SNTG1: variants seen among roughly 807,000 people sequenced by gnomAD.
SNTG1 encodes the protein syntrophin gamma 1.
In SNTG1, 39 loss-of-function variants were observed where a neutral mutation model predicts 74.7. That is an observed-to-expected ratio of 0.52 (90% CI 0.40 to 0.68). SNTG1 has a LOEUF of 0.68. Ranked by LOEUF, SNTG1 falls within the 30% of genes least tolerant of loss-of-function variation. The pLI is 0.00. For synonymous variants in SNTG1, 254 were observed against 217.1 expected (o/e 1.17, Z -1.49); for missense variants, 685 against 609.5 (o/e 1.12, Z -1.30).
At chr8:50,755,740 T>C (rs1484144734) in intron 18 of SNTG1, among the ~76,000 whole-genome samples, 2 of 151,894 alleles carry the variant, frequency 1.3e-5, no homozygotes, top group Non-Finnish European at 2.9e-5. Flanking sequence ...GAAAGTTGCT[T>C]TTGCTCCACA....
rs1437734918 is a variant in SNTG1, at chr8:50,441,064, G to A, written c.219+2465G>A. Reference sequence around the variant, plus strand: ...TTCCTGTCACAGTCACCACTGTGCAGCATGGTAATTCCTCACATCTCCCCA... The same window carrying A: ...TTCCTGTCACAGTCACCACTGTGCAACATGGTAATTCCTCACATCTCCCCA... On this transcript the variant is annotated intron_variant, in intron 5 of 18. Transcript: ENST00000642720. Among the ~76,000 whole-genome samples, 5 of 152,138 alleles carry A rather than the reference G, an allele frequency of 3.3e-5. No homozygotes were observed. The South Asian group carries it at 8.3e-4, about 25-fold the overall frequency.
At chr8:50,395,305 T>C (rs920504099) in intron 3 of SNTG1, among the ~76,000 whole-genome samples, 3 of 152,160 alleles carry the variant, frequency 2.0e-5, no homozygotes, top group Non-Finnish European at 4.4e-5. Context: ...ATTTTAAACA[T>C]ATCTCTATGC....
chr8:50,486,705 G>C (rs2093798101), intron 8 of SNTG1, among the ~76,000 whole-genome samples: 2 of 150,618 alleles, frequency 1.3e-5, no homozygotes, highest in Admixed American at 1.3e-4. Context: ...GGAGTGGTGA[G>C]AGAGGGCATC....
chr8:50,724,039 C>A (rs542136522), intron 17 of SNTG1, among the ~76,000 whole-genome samples: 62 of 151,832 alleles, frequency 4.1e-4, no homozygotes, highest in Middle Eastern at 3.4e-3. Flanking sequence ...GAAGAGGGAG[C>A]GAGAGAATAA....
At chr8:50,550,693 G>GTGTGTGTGTGTATATATA (rs1554571332) in intron 11 of SNTG1, among the ~76,000 whole-genome samples, 11 of 149,098 alleles carry the variant, frequency 7.4e-5, no homozygotes, top group African/African-American at 2.7e-4. Flanking sequence ...TAGTGTGTGT[G>GTGTGTGTGTGTATATATA]TATATATATA....
chr8:50,148,570 GCCCCAGTGTGTGAT>G (rs1563659740), intron 1 of SNTG1, among the ~76,000 whole-genome samples: 2 of 151,886 alleles, frequency 1.3e-5, no homozygotes, highest in African/African-American at 2.4e-5. Flanking sequence ...CCCAGAACAG[GCCCCAGTGTGTGAT>G]GTTCCCCTTC....
chr8:50,781,062 T>C (rs1182763152), intron 18 of SNTG1, among the ~76,000 whole-genome samples: 1 of 152,236 alleles, frequency 6.6e-6, no homozygotes, highest in Non-Finnish European at 1.5e-5. Flanking sequence ...CACTGTGGTC[T>C]GAGAGACAGT....
At chr8:50,427,467 T>TG (rs2093177821) in intron 4 of SNTG1, among the ~76,000 whole-genome samples, 2 of 152,190 alleles carry the variant, frequency 1.3e-5, no homozygotes, top group South Asian at 4.1e-4. Flanking sequence ...TCTCCCTCTG[T>TG]TACCAAGCTT....
chr8:50,447,438 TA>T (rs773769655), intron 5 of SNTG1, among the ~76,000 whole-genome samples: 11 of 152,240 alleles, frequency 7.2e-5, no homozygotes, highest in Non-Finnish European at 1.6e-4. Flanking sequence ...TAATTCTACC[TA>T]AAAGTTCATC....
chr8:50,654,277 T>C (rs2095167070), intron 13 of SNTG1, among the ~76,000 whole-genome samples: 1 of 152,162 alleles, frequency 6.6e-6, no homozygotes, highest in Admixed American at 6.6e-5. Context: ...TTTTCCAAAC[T>C]TTTGTCTCTC....
rs535259238 is a variant in SNTG1, at chr8:50,430,187, T to C, written c.163-8356T>C. Among the ~76,000 whole-genome samples, 157 of 152,318 alleles carry C rather than the reference T, an allele frequency of 1.0e-3. 2 individuals are homozygous for C. The highest frequency in any genetic ancestry group is 9.3e-3 in the South Asian group (45 of 4,828). ...TGTGGTGAATGCACAACTGTGACTA[T>C]GCTAAAAGTCATTGAATTGCACGCT... On this transcript the variant is annotated intron_variant, in intron 4 of 18. Transcript: ENST00000642720.
intron 10 of SNTG1, among the ~76,000 whole-genome samples, chr8:50,533,075 G>A (rs1027190795): frequency 3.3e-5 from 5 of 152,184 alleles, no homozygotes; most frequent in African/African-American, 7.2e-5. Context: ...AAAGATGCGC[G>A]ACATCACTAA....
intron 18 of SNTG1, among the ~76,000 whole-genome samples, chr8:50,776,589 C>A (rs1459619714): frequency 6.7e-6 from 1 of 149,862 alleles, no homozygotes. Context: ...AAGAACCAAA[C>A]CAGACAATAT....
chr8:50,504,644 A>C (rs928593880), intron 9 of SNTG1, among the ~76,000 whole-genome samples: 2 of 151,684 alleles, frequency 1.3e-5, no homozygotes, highest in African/African-American at 4.8e-5. Flanking sequence ...ATACAAAAAA[A>C]CCCCAAAATA....
chr8:50,188,176 C>G (rs191196838), intron 2 of SNTG1, among the ~76,000 whole-genome samples: 2 of 152,248 alleles, frequency 1.3e-5, no homozygotes, highest in Non-Finnish European at 2.9e-5. Flanking sequence ...CATTCAGTGA[C>G]CATTCAGTGA....
chr8:50,107,992 A>G (rs188165739), intron 1 of SNTG1, among the ~76,000 whole-genome samples: 72 of 152,252 alleles, frequency 4.7e-4, no homozygotes, highest in African/African-American at 1.6e-3. Context: ...CATTTCCCCA[A>G]GCTATATTTT....
intron 1 of SNTG1, among the ~76,000 whole-genome samples, chr8:50,068,492 G>A (rs1478199581): frequency 6.6e-6 from 1 of 152,114 alleles, no homozygotes; most frequent in Non-Finnish European, 1.5e-5. Flanking sequence ...AGGGAGCTGG[G>A]CTTGCGCTGC....
chr8:49,947,060 G>A (rs533263334), intron 1 of SNTG1, among the ~76,000 whole-genome samples: 15 of 152,314 alleles, frequency 9.8e-5, no homozygotes, highest in African/African-American at 3.6e-4. Flanking sequence ...AGCACTTTGG[G>A]AGGCTGAGGT....
At chr8:50,491,522 C>G (rs1036767881) in intron 8 of SNTG1, 4 of 152,276 alleles carry the variant, frequency 2.6e-5, no homozygotes, top group African/African-American at 9.7e-5. Context: ...ACAGCAATGT[C>G]CTTCCTGACT....
Sources: allele counts gnomAD v4.1 joint callset (sites outside exome capture counted in the v4.1 genomes callset), GRCh38; gene constraint gnomAD v4.1.1; transcripts MANE v1.5; gene names NCBI Gene and HGNC (gene_info 2026-07-23, HGNC 2026-07-21).